EIF2AK1: variants seen among roughly 807,000 people sequenced by gnomAD.
The protein encoded by EIF2AK1 is eukaryotic translation initiation factor 2-alpha kinase 1.
A neutral mutation model predicts 77.9 loss-of-function variants in EIF2AK1; 54 were observed. The observed-to-expected ratio is 0.69, with a 90% CI of 0.56 to 0.87. The LOEUF is 0.87. EIF2AK1 is among the 40% of genes least tolerant of loss of function. The pLI is 0.00. For missense variants in EIF2AK1, 810 were observed against 768.6 expected (o/e 1.05, Z -0.64); for synonymous variants, 314 against 290.5 (o/e 1.08, Z -0.82).
At chr7:6,029,118 C>T (rs1454454205) in intron 11 of EIF2AK1, 86 bp from the exon 12 acceptor site, 1 of 1,094,736 alleles carries the variant, frequency 9.1e-7, no homozygotes, top group African/African-American at 1.6e-5. Context: ...GTTTGGAACT[C>T]AGGAGCAAGC....
chr7:6,045,943 C>T, intron 6 of EIF2AK1, 128 bp downstream of exon 6: 1 of 549,674 alleles, frequency 1.8e-6, no homozygotes, highest in Non-Finnish European at 3.1e-6. Context: ...TTTACTATAA[C>T]CCCATTCCTA....
In EIF2AK1 at chr7:6,035,908, G is replaced by T; in HGVS notation, c.1332+1516C>A. The T allele has an allele frequency of 1.3e-6, 2 of 1,546,630 alleles. No homozygotes were observed. The highest frequency in any genetic ancestry group is 1.2e-5 in the South Asian group (1 of 83,452). ...CGACTCCTCGGGGCGGGGGTCAGCT[G>T]CATCCGTCTGCTACTCACTCACGGA... On this transcript the variant is annotated intron_variant, in intron 11 of 14. Coordinates refer to ENST00000199389, the MANE Select transcript of EIF2AK1 (RefSeq NM_014413.4). This position sits in a 1 kb window ranked among gnomAD's most constrained non-coding sequence, Gnocchi z 5.5.
Position 6,054,591 on chromosome 7 carries a change from G to T in EIF2AK1, c.232C>A (p.His78Asn). The change falls in exon 2 of 15, where the codon CAC becomes AAC. Residue 78 changes from histidine to asparagine, a missense_variant. Physicochemically the swap from His to Asn is moderately conservative, Grantham distance 68. Around this residue, in one of 3 missense-constraint regions of EIF2AK1, gnomAD observed 246 missense variants for 199.0 expected, o/e 1.24. Coordinates refer to ENST00000199389, the MANE Select transcript of EIF2AK1 (RefSeq NM_014413.4). ...CGAAGTGGGTTTGGTTCATGCACGT[G>T]GCTCAAGTGCTCCAGCAAAGAAACC... ...LLVSLLEHLS[H>N]VHEPNPLRSR... 6.2e-7 allele frequency: 1 copy of T among 1,614,094 alleles called. No individual in the cohort carries two copies. The highest frequency in any genetic ancestry group is 8.5e-7 in the Non-Finnish European group (1 of 1,180,030).
At chr7:6,039,221 T>C (rs1788220850) in intron 9 of EIF2AK1, among the ~76,000 whole-genome samples, 1 of 151,868 alleles carries the variant, frequency 6.6e-6, no homozygotes, top group Admixed American at 6.6e-5. Context: ...TCTAAGAAAA[T>C]TTTCCAAATA....
intron 4 of EIF2AK1, 108 bp from the exon 5 acceptor site, chr7:6,047,199 A>T: frequency 8.8e-7 from 1 of 1,134,664 alleles, no homozygotes. Flanking sequence ...ATGTATCACT[A>T]AGCTGTGCTG....
intron 1 of EIF2AK1, 55 bp from the exon 2 acceptor site, chr7:6,054,759 G>A (rs2128892218): frequency 2.0e-6 from 3 of 1,485,552 alleles, no homozygotes; most frequent in Middle Eastern, 2.1e-4. Flanking sequence ...GTCTCATAAT[G>A]ACAAAACCGT....
intron 1 of EIF2AK1, among the ~76,000 whole-genome samples, chr7:6,057,944 G>T (rs1788833743): frequency 6.6e-6 from 1 of 152,048 alleles, no homozygotes; most frequent in Non-Finnish European, 1.5e-5. Flanking sequence ...ATTCTTAATA[G>T]CACAATTTAA....
At position 6,056,611 on chromosome 7, in the gene EIF2AK1, AAAATATAT is replaced by A. The variant is rs1259007585; in HGVS notation, c.119-1915_119-1908del. Among the ~76,000 whole-genome samples the A allele has an allele frequency of 2.9e-4, 9 of 31,170 alleles. No individual in the cohort carries two copies. In the South Asian group the frequency reaches 3.6e-3, roughly 12 times the overall value. 20.4% of individuals were successfully genotyped at this position (31,170 alleles called of 152,430 possible). ...TCCATCTCAAGGGAAAAAAAAAAAA[AAAATATAT>A]ATATATATATATATATAAACTCTGT... On this transcript the variant is annotated intron_variant, in intron 1 of 14. Transcript: ENST00000199389.
Position 6,042,918 on chromosome 7 carries a change from T to A in EIF2AK1, c.791+15A>T, listed in dbSNP as rs200354092. 1 of 1,607,930 alleles carries A rather than the reference T, an allele frequency of 6.2e-7. No homozygotes were observed. Among genetic ancestry groups the A allele is most frequent in the Non-Finnish European group, 8.5e-7 (1 of 1,174,962 alleles). ...GGTGACAAGAGGTAATGTCCTAATA[T>A]GTAAAAGGACATACCTGTCCTCTTC... is the stretch of plus-strand genomic sequence containing the variant. On this transcript the variant is annotated intron_variant, in intron 8 of 14. Transcript: ENST00000199389.
chr7:6,048,858 AT>A lies in EIF2AK1; in HGVS notation c.412-15del, dbSNP rs764900442. The A allele has an allele frequency of 6.4e-6, 10 of 1,569,424 alleles. No homozygotes were observed. In the Admixed American group the frequency reaches 1.9e-4, roughly 29 times the overall value. On this transcript the variant is annotated splice_polypyrimidine_tract_variant and intron_variant, in intron 3 of 14. Transcript: ENST00000199389. ...CTCACAAGGATCCTACAATTAAAAAATTGTTTTTAAAAAGCATTTTGAAAAC... is the reference window on the plus strand; with the variant it reads ...CTCACAAGGATCCTACAATTAAAAAATGTTTTTAAAAAGCATTTTGAAAAC...
rs1788045747 is a variant in EIF2AK1 at position 6,035,320 on chromosome 7, C to A, written c.1332+2104G>T. On this transcript the variant is annotated intron_variant, in intron 11 of 14. Coordinates refer to ENST00000199389, the MANE Select transcript of EIF2AK1 (RefSeq NM_014413.4). The surrounding 1 kb of genome is among the most constrained non-coding windows in gnomAD (Gnocchi z 5.5). ...CTACCCAGCGATACAGATTTTGAAA[C>A]ACGTCCTTAAGGTAATTGAAGGGTC... The A allele has an allele frequency of 5.1e-6, 5 of 988,334 alleles. No homozygotes were observed. In the Admixed American group the frequency reaches 1.2e-4, roughly 23 times the overall value. The allele number at this position is 988,334 out of a possible 1,614,324, so 61.2% of individuals were successfully genotyped here. A position where few individuals can be genotyped will look rare whatever the true frequency, so the allele number is the denominator to read the frequency against.
chr7:6,047,198 T>C (rs767770831), intron 4 of EIF2AK1, 107 bp from the exon 5 acceptor site: 21 of 1,130,730 alleles, frequency 1.9e-5, no homozygotes, highest in Non-Finnish European at 2.6e-6. Context: ...CATGTATCAC[T>C]AAGCTGTGCT....
At chr7:6,028,348 T>C (rs1451414569) in intron 13 of EIF2AK1, among the ~76,000 whole-genome samples, 1 of 152,114 alleles carries the variant, frequency 6.6e-6, no homozygotes, top group East Asian at 1.9e-4. Flanking sequence ...GCCTCCCAGA[T>C]TCAAATGATT....
chr7:6,044,462 C>G (rs1369477865), intron 7 of EIF2AK1, 100 bp downstream of exon 7: 7 of 929,168 alleles, frequency 7.5e-6, no homozygotes, highest in Non-Finnish European at 1.1e-5. Flanking sequence ...AAAAACCATT[C>G]TCAGCTTGTG....
chr7:6,037,034 C>G (rs1366561259), intron 11 of EIF2AK1, among the ~76,000 whole-genome samples: 1 of 151,944 alleles, frequency 6.6e-6, no homozygotes. Flanking sequence ...TCAAGATCAA[C>G]CTGGGCAACA....
Position 6,032,809 on chromosome 7 carries a change from C to T in EIF2AK1, c.1333-3777G>A. Reference sequence around the variant, plus strand: ...CAGTATTTTTAACTACACAGGGCCACTTGTAATGTGTTTTGTTTTCCCTCC... The same window carrying T: ...CAGTATTTTTAACTACACAGGGCCATTTGTAATGTGTTTTGTTTTCCCTCC... On this transcript the variant is annotated intron_variant, in intron 11 of 14. Coordinates refer to ENST00000199389, the MANE Select transcript of EIF2AK1 (RefSeq NM_014413.4). The surrounding 1 kb of genome is among the most constrained non-coding windows in gnomAD (Gnocchi z 4.3). The T allele has an allele frequency of 6.6e-7, 1 of 1,524,758 alleles. No individual in the cohort carries two copies. Among genetic ancestry groups the T allele is most frequent in the African/African-American group, 1.4e-5 (1 of 72,490 alleles). 94.5% of individuals were successfully genotyped at this position (1,524,758 alleles called of 1,614,324 possible).
In EIF2AK1 at chr7:6,035,389, G is replaced by A. The variant is rs1475084206; in HGVS notation, c.1332+2035C>T. ...GGCTTCTTAAGCATTAACTGTCCAC[G>A]TAGAGCCGTTCCCACTGTGAATTCA... On this transcript the variant is annotated intron_variant, in intron 11 of 14. Transcript: ENST00000199389. This position sits in a 1 kb window ranked among gnomAD's most constrained non-coding sequence, Gnocchi z 5.5. 1.8e-5 allele frequency: 27 copies of A among 1,471,616 alleles called. No homozygotes were observed. The highest frequency in any genetic ancestry group is 7.5e-5 in the East Asian group (3 of 40,248). 91.2% of individuals were successfully genotyped at this position (1,471,616 alleles called of 1,614,324 possible).
intron 10 of EIF2AK1, among the ~76,000 whole-genome samples, 166 bp from the exon 11 acceptor site, chr7:6,037,690 G>A (rs755317651): frequency 2.0e-5 from 3 of 151,920 alleles, no homozygotes; most frequent in Admixed American, 1.3e-4. Context: ...GAAATAAGCA[G>A]GAAGGCTTCC....
chr7:6,051,716 C>A (rs1422290745), intron 2 of EIF2AK1, among the ~76,000 whole-genome samples: 1 of 151,942 alleles, frequency 6.6e-6, no homozygotes, highest in East Asian at 1.9e-4. Context: ...GCGTGAGCCA[C>A]CGTGCCCCAC....
Sources: allele counts gnomAD v4.1 joint callset (sites outside exome capture counted in the v4.1 genomes callset), GRCh38; gene constraint gnomAD v4.1.1; regional missense constraint gnomAD v4.1.1; non-coding constraint Gnocchi (gnomAD v3.1); transcripts MANE v1.5; gene names NCBI Gene and HGNC (gene_info 2026-07-23, HGNC 2026-07-21).